The following KCNQ1 variants were observed in gnomAD, a reference collection of about 807,000 sequenced individuals.
KCNQ1 encodes the protein potassium voltage-gated channel subfamily Q member 1.
A neutral mutation model predicts 72.4 loss-of-function variants in KCNQ1; 49 were observed. The observed-to-expected ratio is 0.68, with a 90% CI of 0.54 to 0.86. The LOEUF (loss-of-function observed/expected upper bound fraction) is 0.86. Ranked by LOEUF, KCNQ1 falls within the 40% of genes least tolerant of loss-of-function variation. The pLI, the probability that KCNQ1 is intolerant of heterozygous loss-of-function variation, is 0.00. For synonymous variants in KCNQ1, 450 were observed against 412.6 expected (o/e 1.09, Z -1.10); for missense variants, 790 against 945.1 (o/e 0.84, Z 2.15).
At chr11:2,546,994 C>G (rs1273745728) in intron 2 of KCNQ1, among the ~76,000 whole-genome samples, 1 of 152,118 alleles carries the variant, frequency 6.6e-6, no homozygotes, top group Non-Finnish European at 1.5e-5. Context: ...TCTTTAGACT[C>G]AAAACTTGTT....
At position 2,626,982 on chromosome 11, in the gene KCNQ1, G is replaced by T; in HGVS notation, c.1394-34979G>T. The T allele has an allele frequency of 2.5e-6, 1 of 398,554 alleles. No homozygotes were observed. Among genetic ancestry groups the T allele is most frequent in the Non-Finnish European group, 4.4e-6 (1 of 226,044 alleles). The allele number at this position is 398,554 out of a possible 1,614,324, so 24.7% of individuals were successfully genotyped here. A position where few individuals can be genotyped will look rare whatever the true frequency, so the allele number is the denominator to read the frequency against. ...ATAACATCATTAGGATTTTTATTGG[G>T]ATTACCTTGGATTTGTAGATTGTTT... On this transcript the variant is annotated intron_variant, in intron 10 of 15. Coordinates refer to ENST00000155840, the MANE Select transcript of KCNQ1 (RefSeq NM_000218.3). This position sits in a 1 kb window ranked among gnomAD's most constrained non-coding sequence, Gnocchi z 4.0.
intron 11 of KCNQ1, among the ~76,000 whole-genome samples, chr11:2,707,540 A>T (rs1280736108): frequency 2.6e-5 from 4 of 151,968 alleles, no homozygotes; most frequent in African/African-American, 9.7e-5. Flanking sequence ...CAGCTCTGAG[A>T]CCTGCCAGGC....
At chr11:2,618,819 T>C (rs1408199002) in intron 10 of KCNQ1, 2 of 398,284 alleles carry the variant, frequency 5.0e-6, no homozygotes, top group African/African-American at 4.1e-5. Context: ...GAGCATGGGA[T>C]ATCTTTCCAT....
intron 11 of KCNQ1, among the ~76,000 whole-genome samples, chr11:2,763,864 G>A (rs919293618): frequency 6.8e-6 from 1 of 147,036 alleles, no homozygotes; most frequent in Non-Finnish European, 1.5e-5. Context: ...GTCAGGCCTA[G>A]AAATATAATT....
chr11:2,527,437 C>T (rs1847528387), intron 1 of KCNQ1, among the ~76,000 whole-genome samples: 1 of 152,232 alleles, frequency 6.6e-6, no homozygotes, highest in African/African-American at 2.4e-5. Context: ...CGTAATTACA[C>T]ACTGCAGTTC....
rs955857090 is a variant in KCNQ1 at position 2,658,864 on chromosome 11, T to C, written c.1394-3097T>C. 5 of 398,476 alleles carry C rather than the reference T, an allele frequency of 1.3e-5. No individual in the cohort carries two copies. Among genetic ancestry groups the C allele is most frequent in the African/African-American group, 1.0e-4 (5 of 48,620 alleles). 24.7% of individuals were successfully genotyped at this position (398,476 alleles called of 1,614,324 possible). The stretch of plus-strand genomic sequence containing the variant: ...GAAACCTGGCTCCCATTACCTACAG[T>C]TCATTTACTTATTTGTGTAACCCTA... On this transcript the variant is annotated intron_variant, in intron 10 of 15. Coordinates refer to ENST00000155840, the MANE Select transcript of KCNQ1 (RefSeq NM_000218.3). This position sits in a 1 kb window ranked among gnomAD's most constrained non-coding sequence, Gnocchi z 4.9.
rs1400481983 is a variant in KCNQ1, at chr11:2,515,044, A to G, written c.387-12884A>G. Among the ~76,000 whole-genome samples, 1 of 151,834 alleles carries G rather than the reference A, an allele frequency of 6.6e-6. No homozygotes were observed. The highest frequency in any genetic ancestry group is 1.5e-5 in the Non-Finnish European group (1 of 67,974). On this transcript the variant is annotated intron_variant, in intron 1 of 15. Transcript: ENST00000155840. This position sits in a 1 kb window ranked among gnomAD's most constrained non-coding sequence, Gnocchi z 4.7. ...CTTTCTTGTTTTTTTATGTTATTTT[A>G]TTTTAGATTTGAGGAGTACACATAC...
Position 2,482,189 on chromosome 11 carries a change from CGTGT to C in KCNQ1, c.386+36716_386+36719del, listed in dbSNP as rs112052216. On this transcript the variant is annotated intron_variant, in intron 1 of 15. Coordinates refer to ENST00000155840, the MANE Select transcript of KCNQ1 (RefSeq NM_000218.3). This position sits in a 1 kb window ranked among gnomAD's most constrained non-coding sequence, Gnocchi z 5.7. ...CTGAGCAGGGTAACCCCTATCACTG[CGTGT>C]GTGTGTGTGTATATGTGTGTGTGTG... Among the ~76,000 whole-genome samples, 5 of 151,600 alleles carry C rather than the reference CGTGT, an allele frequency of 3.3e-5. No homozygotes were observed. The highest frequency in any genetic ancestry group is 1.2e-4 in the African/African-American group (5 of 41,376).
At position 2,538,206 on chromosome 11, in the gene KCNQ1, G is replaced by A. The variant is rs935730692; in HGVS notation, c.477+10188G>A. On this transcript the variant is annotated intron_variant, in intron 2 of 15. Coordinates refer to ENST00000155840, the MANE Select transcript of KCNQ1 (RefSeq NM_000218.3). This position sits in a 1 kb window ranked among gnomAD's most constrained non-coding sequence, Gnocchi z 6.7. ...GTCACTGGTCCCAGTGAGTGTGGCT[G>A]GTTTTTTCTCATTGCACATGGCTGT... is the stretch of plus-strand genomic sequence containing the variant. 5.1e-4 allele frequency among the ~76,000 whole-genome samples: 77 copies of A among 152,322 alleles called. 1 individual carries two copies. The highest frequency in any genetic ancestry group is 1.7e-3 in the African/African-American group (70 of 41,566).
At position 2,698,276 on chromosome 11, in the gene KCNQ1, C is replaced by T. The variant is rs1247102571; in HGVS notation, c.1514+36195C>T. On this transcript the variant is annotated intron_variant, in intron 11 of 15. Coordinates refer to ENST00000155840, the MANE Select transcript of KCNQ1 (RefSeq NM_000218.3). The surrounding 1 kb of genome is among the most constrained non-coding windows in gnomAD (Gnocchi z 5.1). ...TACTTTGTGATAATCTAAGACAGAACTATTCTACCTGGATGAATTATTCTC... is the reference window on the plus strand; with the variant it reads ...TACTTTGTGATAATCTAAGACAGAATTATTCTACCTGGATGAATTATTCTC... 2.5e-6 allele frequency: 1 copy of T among 398,506 alleles called. No individual in the cohort carries two copies. Among genetic ancestry groups the T allele is most frequent in the Non-Finnish European group, 4.4e-6 (1 of 226,068 alleles). 24.7% of individuals were successfully genotyped at this position (398,506 alleles called of 1,614,324 possible).
chr11:2,456,737 T>A (rs190857857), intron 1 of KCNQ1, among the ~76,000 whole-genome samples: 5 of 126,614 alleles, frequency 3.9e-5, no homozygotes, highest in African/African-American at 1.6e-4. Flanking sequence ...CTGGCTAACA[T>A]GGTGAAACCC....
At chr11:2,485,824 G>GGTT (rs1206814064) in intron 1 of KCNQ1, among the ~76,000 whole-genome samples, 1 of 152,170 alleles carries the variant, frequency 6.6e-6, no homozygotes, top group Non-Finnish European at 1.5e-5. Flanking sequence ...TTTCACTTGG[G>GGTT]CATAATGTCC....
At chr11:2,810,059 T>C (rs1280233728) in intron 15 of KCNQ1, among the ~76,000 whole-genome samples, 1 of 152,240 alleles carries the variant, frequency 6.6e-6, no homozygotes, top group Non-Finnish European at 1.5e-5. Context: ...GGGTATAGAA[T>C]TTGGAGCTGA....
At chr11:2,625,031 G>A in intron 10 of KCNQ1, 1 of 398,530 alleles carries the variant, frequency 2.5e-6, no homozygotes, top group Non-Finnish European at 4.4e-6. Context: ...TGTAAATAAT[G>A]CCACTACAAT....
chr11:2,451,109 G>A lies in KCNQ1; in HGVS notation c.386+5625G>A, dbSNP rs190189338. ...GTGGTGGGTCCAAGGGGGTGCCTGA[G>A]CCCTTCTGCAGAAACACCGTTCCCC... is the stretch of plus-strand genomic sequence containing the variant. On this transcript the variant is annotated intron_variant, in intron 1 of 15. Transcript: ENST00000155840. The surrounding 1 kb of genome is among the most constrained non-coding windows in gnomAD (Gnocchi z 6.4). 6.6e-5 allele frequency among the ~76,000 whole-genome samples: 10 copies of A among 152,280 alleles called. No individual in the cohort carries two copies. Among genetic ancestry groups the A allele is most frequent in the Admixed American group, 1.3e-4 (2 of 15,300 alleles).
At chr11:2,797,256 C>G (rs1285585476) in intron 15 of KCNQ1, among the ~76,000 whole-genome samples, 2 of 152,190 alleles carry the variant, frequency 1.3e-5, no homozygotes, top group Non-Finnish European at 2.9e-5. Flanking sequence ...GCCCCCAGCT[C>G]CCAGCTCCCC....
At position 2,787,698 on chromosome 11, in the gene KCNQ1, G is replaced by T. The variant is rs1846938925; in HGVS notation, c.1794+9661G>T. 1.3e-5 allele frequency among the ~76,000 whole-genome samples: 2 copies of T among 151,852 alleles called. No homozygotes were observed. Among genetic ancestry groups the T allele is most frequent in the Admixed American group, 1.3e-4 (2 of 15,264 alleles). ...TCTTTTTCATACTGGGTCTTCAAAAGCCACTGCATATTTTACACATTTCAA... is the reference window on the plus strand; with the variant it reads ...TCTTTTTCATACTGGGTCTTCAAAATCCACTGCATATTTTACACATTTCAA... On this transcript the variant is annotated intron_variant, in intron 15 of 15. Transcript: ENST00000155840. The surrounding 1 kb of genome is among the most constrained non-coding windows in gnomAD (Gnocchi z 6.3).
intron 1 of KCNQ1, among the ~76,000 whole-genome samples, chr11:2,514,976 C>A (rs1847265185): frequency 6.6e-6 from 1 of 152,222 alleles, no homozygotes; most frequent in African/African-American, 2.4e-5. Flanking sequence ...TCGCCCCCTT[C>A]CCGAGTGGAG....
At chr11:2,640,480 C>T (rs193235872) in intron 10 of KCNQ1, 5 of 398,206 alleles carry the variant, frequency 1.3e-5, no homozygotes, top group African/African-American at 4.1e-5. Context: ...GAGACAGGGT[C>T]GTGCATTGTT....
Sources: allele counts gnomAD v4.1 joint callset (sites outside exome capture counted in the v4.1 genomes callset), GRCh38; gene constraint gnomAD v4.1.1; non-coding constraint Gnocchi (gnomAD v3.1); transcripts MANE v1.5; gene names NCBI Gene and HGNC (gene_info 2026-07-23, HGNC 2026-07-21).